ATL2: variants seen among roughly 807,000 people sequenced by gnomAD.
ATL2 encodes atlastin GTPase 2.
In ATL2, 31 loss-of-function variants were observed where a neutral mutation model predicts 73.9. That is an observed-to-expected ratio of 0.42 (90% CI 0.32 to 0.57). ATL2 has a LOEUF of 0.57. ATL2 is among the 20% of genes least tolerant of loss of function. The probability of loss-of-function intolerance (pLI) is 0.14; values close to 1 mark genes in which losing one functional copy is unlikely to be tolerated. For synonymous variants in ATL2, 291 were observed against 237.5 expected (o/e 1.23, Z -2.07); for missense variants, 738 against 702.6 (o/e 1.05, Z -0.57).
At chr2:38,331,801 A>T (rs954249650) in intron 2 of ATL2, among the ~76,000 whole-genome samples, 3 of 151,884 alleles carry the variant, frequency 2.0e-5, no homozygotes, top group African/African-American at 7.2e-5. Flanking sequence ...CAAAAAATGA[A>T]GGAAGAACCC....
At chr2:38,377,458 C>T (rs528336040), upstream of ATL2, among the ~76,000 whole-genome samples, 2 of 150,616 alleles carry the variant, frequency 1.3e-5, no homozygotes, top group East Asian at 2.0e-4. Flanking sequence ...CCATCGCTCG[C>T]TCGCTCCGCC....
At chr2:38,337,660 G>T (rs915371247) in intron 2 of ATL2, among the ~76,000 whole-genome samples, 6 of 151,342 alleles carry the variant, frequency 4.0e-5, no homozygotes, top group African/African-American at 1.5e-4. Context: ...TTGATCACAG[G>T]GATTTACTTC....
chr2:38,361,079 C>T (rs1279155281), intron 1 of ATL2, among the ~76,000 whole-genome samples: 7 of 151,972 alleles, frequency 4.6e-5, no homozygotes, highest in Non-Finnish European at 1.0e-4. Flanking sequence ...AGCAGCCAGG[C>T]GCGGTGGCTC....
intron 1 of ATL2, among the ~76,000 whole-genome samples, chr2:38,357,988 T>C (rs939056159): frequency 2.0e-5 from 3 of 152,214 alleles, no homozygotes; most frequent in Non-Finnish European, 2.9e-5. Context: ...ACAGCAGTGC[T>C]AGTCAAGCTT....
At chr2:38,297,623 G>C (rs1227569076) in intron 12 of ATL2, among the ~76,000 whole-genome samples, 1 of 152,126 alleles carries the variant, frequency 6.6e-6, no homozygotes, top group Non-Finnish European at 1.5e-5. Context: ...AAACACAAAG[G>C]TCAAAGTTTC....
chr2:38,306,467 C>T (rs59569490), intron 9 of ATL2, among the ~76,000 whole-genome samples: 19,504 of 152,122 alleles, frequency 0.13, 3,761 homozygotes, highest in African/African-American at 0.42. Flanking sequence ...CTGATGAACA[C>T]TGTTGCAAAA....
At chr2:38,348,921 A>G (rs1321831142) in intron 1 of ATL2, among the ~76,000 whole-genome samples, 1 of 152,230 alleles carries the variant, frequency 6.6e-6, no homozygotes, top group Non-Finnish European at 1.5e-5. Flanking sequence ...CACATGAAAA[A>G]ATGCTCATCA....
chr2:38,359,509 TATA>T (rs1670880743), intron 1 of ATL2: 1 of 151,068 alleles, frequency 6.6e-6, no homozygotes, highest in Non-Finnish European at 1.5e-5. Context: ...TTAAAGAGTA[TATA>T]ATACCATTCA....
chr2:38,298,423 T>C lies in ATL2; in HGVS notation c.1353A>G (p.Glu451=). Residue 451 remains glutamate (E), a synonymous_variant, in exon 12 of 13, where the codon GAA becomes GAG. Coordinates refer to ENST00000378954, the MANE Select transcript of ATL2 (RefSeq NM_001135673.4). ...CRRYQDQLEA[E]IEETYANFIK... ...TAAAATTTGCATAGGTTTCTTCAATTTCAGCTTCAAGCTGGTCCTGATAAC... is the reference window on the plus strand; with the variant it reads ...TAAAATTTGCATAGGTTTCTTCAATCTCAGCTTCAAGCTGGTCCTGATAAC... 1 of 1,614,180 alleles carries C rather than the reference T, an allele frequency of 6.2e-7. No homozygotes were observed. The highest frequency in any genetic ancestry group is 1.1e-5 in the South Asian group (1 of 91,086).
intron 7 of ATL2, among the ~76,000 whole-genome samples, 179 bp from the exon 8 acceptor site, chr2:38,310,626 C>A (rs1201219609): frequency 6.7e-6 from 1 of 148,498 alleles, no homozygotes; most frequent in African/African-American, 2.6e-5. Context: ...TGTTAAGACC[C>A]CACTTTTTTT....
chr2:38,318,858 G>A (rs1241040295), intron 3 of ATL2, 27 bp downstream of exon 3: 1 of 1,604,866 alleles, frequency 6.2e-7, no homozygotes, highest in South Asian at 1.1e-5. Flanking sequence ...AAGAATACAG[G>A]GTAGAAAAGT....
chr2:38,294,640 C>CAAA lies in ATL2; in HGVS notation c.*1351_*1353dup, dbSNP rs34388748. On this transcript the variant is annotated 3_prime_UTR_variant, in exon 13 of 13. Coordinates refer to ENST00000378954, the MANE Select transcript of ATL2 (RefSeq NM_001135673.4). ...AAAATGCTAGCCTTACATATACCACCAAAAAAAAAAAAAGAGAGAGAAAGA... is the reference window on the plus strand; with the variant it reads ...AAAATGCTAGCCTTACATATACCACCAAAAAAAAAAAAAAAAGAGAGAGAAAGA... Among the ~76,000 whole-genome samples, 13,636 of 142,002 alleles carry CAAA rather than the reference C, an allele frequency of 0.096. 1,905 individuals carry two copies. The highest frequency in any genetic ancestry group is 0.31 in the African/African-American group (11,895 of 38,134). The allele number at this position is 142,002 out of a possible 152,430, so 93.2% of individuals were successfully genotyped here.
intron 2 of ATL2, among the ~76,000 whole-genome samples, chr2:38,327,742 T>G (rs890269607): frequency 2.0e-5 from 3 of 151,976 alleles, no homozygotes; most frequent in African/African-American, 7.3e-5. Context: ...TCGTGATCAG[T>G]CTGGCCAACA....
At position 38,295,889 on chromosome 2, in the gene ATL2, C is replaced by T. The variant is rs1207545606; in HGVS notation, c.*105G>A. The T allele has an allele frequency of 4.1e-6, 4 of 975,536 alleles. No individual in the cohort carries two copies. The African/African-American group carries it at 6.6e-5, about 16-fold the overall frequency. The allele number at this position is 975,536 out of a possible 1,614,324, so 60.4% of individuals were successfully genotyped here. On this transcript the variant is annotated 3_prime_UTR_variant, in exon 13 of 13. Coordinates refer to ENST00000378954, the MANE Select transcript of ATL2 (RefSeq NM_001135673.4). Reference sequence around the variant, plus strand: ...CATCTGTGAAGCCAGTTACACTAAACTACTTCTACAGTTGATTGTAAACTT... The same window carrying T: ...CATCTGTGAAGCCAGTTACACTAAATTACTTCTACAGTTGATTGTAAACTT...
Position 38,343,258 on chromosome 2 carries a change from G to C in ATL2, c.363+10C>G, listed in dbSNP as rs1288648427. Reference sequence around the variant, plus strand: ...CTTTTTAATTGGGTTCAATTTAAAAGACTATTCACCTTGTTATACATGTAT... The same window carrying C: ...CTTTTTAATTGGGTTCAATTTAAAACACTATTCACCTTGTTATACATGTAT... On this transcript the variant is annotated intron_variant, in intron 2 of 12. Transcript: ENST00000378954. 1.3e-6 allele frequency: 2 copies of C among 1,537,578 alleles called. No individual in the cohort carries two copies. The highest frequency in any genetic ancestry group is 1.7e-6 in the Non-Finnish European group (2 of 1,147,512).
intron 1 of ATL2, among the ~76,000 whole-genome samples, chr2:38,355,118 A>G (rs1670582429): frequency 6.6e-6 from 1 of 152,068 alleles, no homozygotes; most frequent in South Asian, 2.1e-4. Flanking sequence ...AAGCAAAACT[A>G]TATACTGTAT....
At chr2:38,355,898 T>A (rs559534688) in intron 1 of ATL2, among the ~76,000 whole-genome samples, 337 of 151,830 alleles carry the variant, frequency 2.2e-3, no homozygotes, top group African/African-American at 7.9e-3. Flanking sequence ...TTTCACCATT[T>A]TGGCCAGGCT....
At chr2:38,355,501 T>C (rs1223403747) in intron 1 of ATL2, among the ~76,000 whole-genome samples, 3 of 152,162 alleles carry the variant, frequency 2.0e-5, no homozygotes, top group African/African-American at 4.8e-5. Flanking sequence ...AAAGGTATAC[T>C]ATACAGACAT....
chr2:38,332,933 G>C (rs967449182), intron 2 of ATL2, among the ~76,000 whole-genome samples: 2 of 152,184 alleles, frequency 1.3e-5, no homozygotes, highest in South Asian at 4.1e-4. Context: ...CACATGTCTT[G>C]TAAGTCCCAG....
Sources: allele counts gnomAD v4.1 joint callset (sites outside exome capture counted in the v4.1 genomes callset), GRCh38; gene constraint gnomAD v4.1.1; transcripts MANE v1.5; gene names NCBI Gene and HGNC (gene_info 2026-07-23, HGNC 2026-07-21).